GNA12: variants seen among roughly 807,000 people sequenced by gnomAD.
GNA12 encodes the protein G protein subunit alpha 12.
GNA12 carries 9 observed loss-of-function variants against 26.0 expected under a neutral mutation model. That is an observed-to-expected ratio of 0.35 (90% CI 0.21 to 0.60). The LOEUF is 0.60. GNA12 is among the 20% of genes least tolerant of loss of function. The probability of loss-of-function intolerance (pLI) is 0.78; values close to 1 mark genes in which losing one functional copy is unlikely to be tolerated. For missense variants in GNA12, 405 were observed against 525.8 expected (o/e 0.77, Z 2.25); for synonymous variants, 264 against 219.6 (o/e 1.20, Z -1.79).
At chr7:2,826,802 G>A (rs1793494671) in intron 1 of GNA12, among the ~76,000 whole-genome samples, 1 of 152,172 alleles carries the variant, frequency 6.6e-6, no homozygotes, top group South Asian at 2.1e-4. Flanking sequence ...AAGGAGGGAT[G>A]AACAGGTAGA....
intron 2 of GNA12, among the ~76,000 whole-genome samples, chr7:2,778,891 T>C (rs1792148746): frequency 6.6e-6 from 1 of 152,154 alleles, no homozygotes; most frequent in Non-Finnish European, 1.5e-5. Context: ...TAAAAGTGGA[T>C]GGGGAATGGG....
chr7:2,743,964 G>T (rs139393829), intron 2 of GNA12, among the ~76,000 whole-genome samples: 1,884 of 152,264 alleles, frequency 0.012, 51 homozygotes, highest in African/African-American at 0.043. Context: ...CAGCAGCGAG[G>T]CTGGGGGAGG....
At chr7:2,737,283 T>TTTG (rs1790249767) in intron 2 of GNA12, among the ~76,000 whole-genome samples, 1 of 61,100 alleles carries the variant, frequency 1.6e-5, no homozygotes, top group African/African-American at 6.7e-5. Flanking sequence ...TGTTTTTTTT[T>TTTG]TTTTTGTTTT....
intron 1 of GNA12, 88 bp downstream of exon 1, chr7:2,843,765 C>T: frequency 3.3e-6 from 2 of 614,840 alleles, no homozygotes; most frequent in Non-Finnish European, 2.5e-6. Context: ...GGTCCCCGCC[C>T]GCGGCGGCGG....
At chr7:2,805,300 A>G (rs1425148508) in intron 1 of GNA12, among the ~76,000 whole-genome samples, 1 of 152,248 alleles carries the variant, frequency 6.6e-6, no homozygotes, top group Non-Finnish European at 1.5e-5. Flanking sequence ...TAGTCTTTAT[A>G]AATAACTCTG....
At chr7:2,799,905 C>A (rs1433901995) in intron 1 of GNA12, among the ~76,000 whole-genome samples, 8 of 152,132 alleles carry the variant, frequency 5.3e-5, no homozygotes, top group Non-Finnish European at 1.2e-4. Flanking sequence ...GAGGCGGAGA[C>A]CCCGGACCTC....
At chr7:2,814,826 G>C (rs1322854358) in intron 1 of GNA12, 1 of 1,560,888 alleles carries the variant, frequency 6.4e-7, no homozygotes, top group African/African-American at 1.4e-5. Context: ...CCCTTCCTGT[G>C]CTCCCGACAG....
At position 2,734,832 on chromosome 7, in the gene GNA12, G is replaced by A. The variant is rs34765119; in HGVS notation, c.526-1331C>T. On this transcript the variant is annotated intron_variant, in intron 2 of 3. Transcript: ENST00000275364. The stretch of plus-strand genomic sequence containing the variant: ...AGGACGGGGCGAGCACGTGCACCTC[G>A]TGACCACCGGCTCTCTAGAGCCCCA... Among the ~76,000 whole-genome samples, 17 of 152,306 alleles carry A rather than the reference G, an allele frequency of 1.1e-4. No homozygotes were observed. In the East Asian group the frequency reaches 1.5e-3, roughly 14 times the overall value.
intron 1 of GNA12, among the ~76,000 whole-genome samples, chr7:2,841,821 C>T (rs368802484): frequency 6.6e-4 from 100 of 152,236 alleles, no homozygotes; most frequent in African/African-American, 1.9e-3. Context: ...TAGGTTTCTA[C>T]GGGGCTTTGC....
Position 2,791,502 on chromosome 7 carries a change from A to G in GNA12, c.525+3426T>C, listed in dbSNP as rs539335017. Among the ~76,000 whole-genome samples the G allele has an allele frequency of 3.3e-4, 50 of 152,118 alleles. 1 individual carries two copies. The highest frequency in any genetic ancestry group is 1.9e-3 in the East Asian group (10 of 5,190). On this transcript the variant is annotated intron_variant, in intron 2 of 3. Coordinates refer to ENST00000275364, the MANE Select transcript of GNA12 (RefSeq NM_007353.3). ...CTTTTTTCCTCCTCTTTTTGTTTCT[A>G]TCTCTGACTGGAATGGCAGGAAAAA... is the stretch of plus-strand genomic sequence containing the variant.
At chr7:2,786,465 A>G (rs940383875) in intron 2 of GNA12, among the ~76,000 whole-genome samples, 22 of 152,232 alleles carry the variant, frequency 1.4e-4, no homozygotes, top group Admixed American at 3.9e-4. Context: ...AATGGCCAAT[A>G]AACATATGAA....
chr7:2,743,154 C>T (rs1297768190), intron 2 of GNA12, among the ~76,000 whole-genome samples: 1 of 152,170 alleles, frequency 6.6e-6, no homozygotes, highest in Non-Finnish European at 1.5e-5. Context: ...TAAACTTTGC[C>T]TAAGAGCCTG....
At chr7:2,790,278 C>T (rs998307819) in intron 2 of GNA12, among the ~76,000 whole-genome samples, 1 of 152,170 alleles carries the variant, frequency 6.6e-6, no homozygotes, top group Non-Finnish European at 1.5e-5. Flanking sequence ...GACAGGGTCT[C>T]GCTTTGTTGC....
intron 1 of GNA12, chr7:2,814,957 C>T (rs780192085): frequency 1.3e-5 from 20 of 1,568,082 alleles, no homozygotes; most frequent in Non-Finnish European, 1.6e-5. Context: ...ACAGTAGGCG[C>T]TCTGCACTCG....
chr7:2,745,105 A>G (rs1437778080), intron 2 of GNA12, among the ~76,000 whole-genome samples: 1 of 152,254 alleles, frequency 6.6e-6, no homozygotes. Context: ...GCAGGATATT[A>G]TCCAGGAAAA....
chr7:2,821,932 G>A (rs369356887), intron 1 of GNA12, among the ~76,000 whole-genome samples: 2 of 152,154 alleles, frequency 1.3e-5, no homozygotes, highest in Non-Finnish European at 2.9e-5. Flanking sequence ...ATACTCAAAT[G>A]CCTACTATGT....
chr7:2,728,360 G>C lies in GNA12; in HGVS notation c.*2821C>G, dbSNP rs1562387063. The C allele has an allele frequency of 6.6e-6, 1 of 151,944 alleles. No homozygotes were observed. The highest frequency in any genetic ancestry group is 2.4e-5 in the African/African-American group (1 of 41,282). 9.4% of individuals were successfully genotyped at this position (151,944 alleles called of 1,614,324 possible). On this transcript the variant is annotated 3_prime_UTR_variant, in exon 4 of 4. Transcript: ENST00000275364. ...AAGAGTTTTTTTTTTCAATCTTGGAGTTAACAATCTGACTTATTTTTCTTT... is the reference window on the plus strand; with the variant it reads ...AAGAGTTTTTTTTTTCAATCTTGGACTTAACAATCTGACTTATTTTTCTTT...
At chr7:2,746,410 A>C (rs138995276) in intron 2 of GNA12, among the ~76,000 whole-genome samples, 1 of 152,146 alleles carries the variant, frequency 6.6e-6, no homozygotes, top group African/African-American at 2.4e-5. Flanking sequence ...ACCTGCTCCT[A>C]AATGACTACT....
chr7:2,822,335 G>C (rs749332011), intron 1 of GNA12, among the ~76,000 whole-genome samples: 7 of 152,214 alleles, frequency 4.6e-5, no homozygotes, highest in African/African-American at 1.2e-4. Context: ...AGCATCTGTA[G>C]ACAGTCCAGT....
Sources: allele counts gnomAD v4.1 joint callset (sites outside exome capture counted in the v4.1 genomes callset), GRCh38; gene constraint gnomAD v4.1.1; transcripts MANE v1.5; gene names NCBI Gene and HGNC (gene_info 2026-07-23, HGNC 2026-07-21).